DNAH5: variants seen among roughly 807,000 people sequenced by gnomAD.
The protein encoded by DNAH5 is dynein axonemal heavy chain 5, also known as axonemal beta dynein heavy chain 5.
In DNAH5, 372 loss-of-function variants were observed where a neutral mutation model predicts 518.2. The ratio of observed to expected loss-of-function variants is 0.72; its 90% CI spans 0.66 to 0.78. The LOEUF is 0.78. DNAH5 is among the 30% of genes least tolerant of loss of function. The pLI is 0.00. For synonymous variants in DNAH5, 2,039 were observed against 2,025.9 expected, an observed-to-expected ratio of 1.01 and a Z score of -0.17; for missense variants, 5,523 against 5,687.0, an observed-to-expected ratio of 0.97 and a Z score of 0.93.
At chr5:13,913,619 T>A (rs1580862385) in intron 11 of DNAH5, 124 bp downstream of exon 11, 2 of 1,073,294 alleles carry the variant, frequency 1.9e-6, no homozygotes, top group Non-Finnish European at 2.7e-6. Flanking sequence ...TAAAAGGCCA[T>A]GAGATTATTT....
At chr5:13,987,792 T>C (rs1267585815) in intron 1 of DNAH5, among the ~76,000 whole-genome samples, 1 of 151,182 alleles carries the variant, frequency 6.6e-6, no homozygotes, top group Non-Finnish European at 1.5e-5. Context: ...AGGTGGAGAT[T>C]GCAGCAAGCC....
At chr5:13,697,172 A>G (rs932294025) in intron 78 of DNAH5, among the ~76,000 whole-genome samples, 2 of 152,210 alleles carry the variant, frequency 1.3e-5, no homozygotes, top group Non-Finnish European at 2.9e-5. Flanking sequence ...TGATATGACA[A>G]AGCAATTTTT....
intron 52 of DNAH5, among the ~76,000 whole-genome samples, chr5:13,782,008 G>T (rs6874080): frequency 0.019 from 2,916 of 152,166 alleles, 88 homozygotes; most frequent in African/African-American, 0.066. Flanking sequence ...GGTGTTGAAT[G>T]GACTAGTTAC....
chr5:13,754,332 G>A lies in DNAH5; in HGVS notation c.10426C>T (p.Leu3476Phe), dbSNP rs1750687839. ...EQAMTEKQTL[L>F]EDAERCRHKM... ...TGTCTGCATCGCTCTGCATCTTCAAGCAAGGTCTAACAAAGGTCATAATCA... is the reference window on the plus strand; with the variant it reads ...TGTCTGCATCGCTCTGCATCTTCAAACAAGGTCTAACAAAGGTCATAATCA... Residue 3476 changes from leucine (L) to phenylalanine (F), a missense_variant, in exon 62 of 79, where the codon CTT becomes TTT. Around this residue, in one of 3 missense-constraint regions of DNAH5, gnomAD observed 5,121 missense variants for 5,223.3 expected, o/e 0.98. Coordinates refer to ENST00000265104, the MANE Select transcript of DNAH5 (RefSeq NM_001369.3). 6.2e-7 allele frequency: 1 copy of A among 1,613,898 alleles called. No homozygotes were observed. The highest frequency in any genetic ancestry group is 1.7e-5 in the Admixed American group (1 of 59,990).
chr5:13,898,754 G>T, intron 15 of DNAH5: 1 of 396,556 alleles, frequency 2.5e-6, no homozygotes, highest in Non-Finnish European at 4.4e-6. Flanking sequence ...CATGGACTTA[G>T]TATTGTCACG....
intron 58 of DNAH5, among the ~76,000 whole-genome samples, chr5:13,767,531 C>T (rs1580133202): frequency 6.6e-6 from 1 of 152,006 alleles, no homozygotes; most frequent in African/African-American, 2.4e-5. Flanking sequence ...ATTTGAGGTG[C>T]ACAGTTATAA....
At chr5:13,823,949 C>A (rs1209787738) in intron 39 of DNAH5, among the ~76,000 whole-genome samples, 1 of 152,102 alleles carries the variant, frequency 6.6e-6, no homozygotes, top group Non-Finnish European at 1.5e-5. Flanking sequence ...AGGTATTTGG[C>A]ATCTTAACAT....
intron 1 of DNAH5, among the ~76,000 whole-genome samples, chr5:13,971,291 T>C (rs755675887): frequency 8.5e-5 from 13 of 152,222 alleles, no homozygotes; most frequent in Non-Finnish European, 1.5e-4. Context: ...GATTTCTTCT[T>C]GGTTTGAATC....
intron 42 of DNAH5, among the ~76,000 whole-genome samples, chr5:13,816,739 A>G (rs767470692): frequency 6.6e-6 from 1 of 152,262 alleles, no homozygotes; most frequent in East Asian, 1.9e-4. Flanking sequence ...TCTTTCGACA[A>G]TTTATATTAG....
intron 17 of DNAH5, among the ~76,000 whole-genome samples, chr5:13,890,420 A>C (rs1392573946): frequency 1.3e-5 from 2 of 151,064 alleles, no homozygotes; most frequent in African/African-American, 4.9e-5. Flanking sequence ...AAAAAAAAAA[A>C]AGGTTAAATG....
chr5:13,823,184 G>A, intron 40 of DNAH5, 79 bp downstream of exon 40: 1 of 969,494 alleles, frequency 1.0e-6, no homozygotes, highest in Non-Finnish European at 1.7e-6. Flanking sequence ...ATAGGTTGGA[G>A]CCACAGCAGC....
At chr5:13,871,854 C>T (rs1770156337) in intron 22 of DNAH5, 89 bp from the exon 23 acceptor site, 6 of 1,154,540 alleles carry the variant, frequency 5.2e-6, no homozygotes, top group Non-Finnish European at 7.7e-6. Flanking sequence ...CTGGTGGTTC[C>T]TATGGATTTA....
At chr5:13,988,990 A>T (rs980352062) in intron 1 of DNAH5, among the ~76,000 whole-genome samples, 4 of 151,872 alleles carry the variant, frequency 2.6e-5, no homozygotes, top group Admixed American at 6.6e-5. Flanking sequence ...ACCTCCCAAA[A>T]TGCTGGGATT....
chr5:13,865,824 G>A lies in DNAH5; in HGVS notation c.4199C>T (p.Pro1400Leu), dbSNP rs922374480. The A allele has an allele frequency of 6.2e-7, 1 of 1,613,780 alleles. No individual in the cohort carries two copies. Among genetic ancestry groups the A allele is most frequent in the Non-Finnish European group, 8.5e-7 (1 of 1,179,776 alleles). ...ELFGLPATQY[P>L]QLLEIKKQLN... Reference sequence around the variant, plus strand: ...TTGCTTCTTTATTTCAAGAAGCTGAGGATACTGTGTAGCTGGCAGGCCAAA... The same window carrying A: ...TTGCTTCTTTATTTCAAGAAGCTGAAGATACTGTGTAGCTGGCAGGCCAAA... Residue 1400 changes from proline to leucine, a missense_variant, in exon 27 of 79, where the codon CCT becomes CTT. Pro to Leu is a moderately conservative substitution (Grantham distance 98). Coordinates refer to ENST00000265104, the MANE Select transcript of DNAH5 (RefSeq NM_001369.3).
At chr5:14,008,484 C>T (rs551105890) in intron 1 of DNAH5, among the ~76,000 whole-genome samples, 1 of 152,026 alleles carries the variant, frequency 6.6e-6, no homozygotes, top group African/African-American at 2.4e-5. Flanking sequence ...AGTAGCAGGG[C>T]TTGGTAGCAG....
rs1210982072 is a variant in DNAH5 at position 13,793,598 on chromosome 5, T to C, written c.8141A>G (p.Asn2714Ser). Residue 2714 changes from asparagine to serine, a missense_variant, in exon 49 of 79, where the codon AAT becomes AGT. Transcript: ENST00000265104. The stretch of plus-strand genomic sequence containing the variant: ...CCTCTTGAGTCTTTGGGGTATGTCA[T>C]TGCGTCCACCACCAGGATGGATCAT... Reference protein sequence around the residue: ...AAMIHPGGGRNDIPQRLKRQF... With the variant: ...AAMIHPGGGRSDIPQRLKRQF... 17 of 1,614,040 alleles carry C rather than the reference T, an allele frequency of 1.1e-5. No homozygotes were observed. Among genetic ancestry groups the C allele is most frequent in the Non-Finnish European group, 1.4e-5 (16 of 1,180,034 alleles).
At chr5:13,987,786 G>A (rs1318581083) in intron 1 of DNAH5, among the ~76,000 whole-genome samples, 1 of 151,926 alleles carries the variant, frequency 6.6e-6, no homozygotes, top group Non-Finnish European at 1.5e-5. Context: ...CCCAGGAGGT[G>A]GAGATTGCAG....
In DNAH5 at chr5:13,768,935, C is replaced by T. The variant is rs1050831719; in HGVS notation, c.9897+25G>A. ...TCTGCCTCTTAAGCCCTAAAGCTGA[C>T]ATCTGTTATATCACATAGATGCACC... is the stretch of plus-strand genomic sequence containing the variant. On this transcript the variant is annotated intron_variant, in intron 58 of 78. Coordinates refer to ENST00000265104, the MANE Select transcript of DNAH5 (RefSeq NM_001369.3). 3.7e-6 allele frequency: 6 copies of T among 1,613,720 alleles called. No homozygotes were observed. The Admixed American group carries it at 6.7e-5, about 18-fold the overall frequency.
chr5:13,720,925 A>G, intron 71 of DNAH5, 75 bp downstream of exon 71: 1 of 1,599,972 alleles, frequency 6.3e-7, no homozygotes, highest in Non-Finnish European at 8.6e-7. Flanking sequence ...AATGATTTAT[A>G]TTTTTCTTCT....
Sources: gnomAD v4.1 joint callset for allele counts (sites outside exome capture counted in the v4.1 genomes callset) on GRCh38, gnomAD v4.1.1 for gene constraint, gnomAD v4.1.1 regional missense constraint, MANE v1.5 for transcripts, NCBI Gene and HGNC (gene_info 2026-07-23, HGNC 2026-07-21) for gene names.